UGT2B15: variants seen among roughly 807,000 people sequenced by gnomAD.
The protein encoded by UGT2B15 is UDP glucuronosyltransferase family 2 member B15.
A neutral mutation model predicts 45.9 loss-of-function variants in UGT2B15; 36 were observed. The ratio of observed to expected loss-of-function variants is 0.78; its 90% CI spans 0.60 to 1.04. The LOEUF is 1.04. Ranked by LOEUF, UGT2B15 falls within the 50% of genes least tolerant of loss-of-function variation. UGT2B15 has a pLI of 0.00. For missense variants in UGT2B15, 617 were observed against 622.4 expected (o/e 0.99, Z 0.09); for synonymous variants, 219 against 216.4 (o/e 1.01, Z -0.11).
At position 68,654,272 on chromosome 4, in the gene UGT2B15, T is replaced by C; in HGVS notation, c.1094-16A>G. 6.2e-7 allele frequency: 1 copy of C among 1,607,814 alleles called. No individual in the cohort carries two copies. Among genetic ancestry groups the C allele is most frequent in the Non-Finnish European group, 8.5e-7 (1 of 1,176,170 alleles). Reference sequence around the variant, plus strand: ...TTGGGATGACCTAAAAGTGGATGCATTTTAACAAAATTATTAATTACAAGG... The same window carrying C: ...TTGGGATGACCTAAAAGTGGATGCACTTTAACAAAATTATTAATTACAAGG... On this transcript the variant is annotated splice_polypyrimidine_tract_variant and intron_variant, in intron 4 of 5. Transcript: ENST00000338206.
chr4:68,666,591 T>A (rs1160471951), intron 2 of UGT2B15, among the ~76,000 whole-genome samples: 4 of 151,924 alleles, frequency 2.6e-5, no homozygotes, highest in African/African-American at 9.7e-5. Flanking sequence ...ATCTTTACAT[T>A]TTACAAACTT....
intron 3 of UGT2B15, among the ~76,000 whole-genome samples, chr4:68,661,663 T>C (rs1243015813): frequency 6.6e-6 from 1 of 152,118 alleles, no homozygotes; most frequent in Non-Finnish European, 1.5e-5. Context: ...TGAGAAATAA[T>C]GCTACATATG....
intron 5 of UGT2B15, among the ~76,000 whole-genome samples, chr4:68,648,905 A>AT (rs1732566704): frequency 6.6e-6 from 1 of 152,058 alleles, no homozygotes; most frequent in Admixed American, 6.6e-5. Flanking sequence ...TGATCTCTTC[A>AT]TTTTGTGATT....
chr4:68,663,462 A>G (rs998064689), intron 2 of UGT2B15, among the ~76,000 whole-genome samples: 3 of 152,108 alleles, frequency 2.0e-5, no homozygotes, highest in Non-Finnish European at 4.4e-5. Flanking sequence ...TAATATTATA[A>G]TTACTAACAT....
intron 3 of UGT2B15, among the ~76,000 whole-genome samples, chr4:68,657,810 G>C (rs1274606759): frequency 2.0e-5 from 3 of 151,950 alleles, no homozygotes; most frequent in Non-Finnish European, 2.9e-5. Context: ...TCTGCAAGCT[G>C]GTCAATTTTT....
rs570473373 is a variant in UGT2B15 at position 68,660,689 on chromosome 4, A to C, written c.1005+2319T>G. Among the ~76,000 whole-genome samples the C allele has an allele frequency of 5.3e-5, 8 of 152,074 alleles. No homozygotes were observed. The East Asian group carries it at 1.5e-3, about 29-fold the overall frequency. On this transcript the variant is annotated intron_variant, in intron 3 of 5. Transcript: ENST00000338206. Reference sequence around the variant, plus strand: ...TTTTTCAACTTTTATTACTGTCTACAGTTTGGACTGAATTCTAATTTTTCA... The same window carrying C: ...TTTTTCAACTTTTATTACTGTCTACCGTTTGGACTGAATTCTAATTTTTCA...
At chr4:68,664,046 G>C (rs2109832696) in intron 2 of UGT2B15, among the ~76,000 whole-genome samples, 1 of 152,114 alleles carries the variant, frequency 6.6e-6, no homozygotes, top group South Asian at 2.1e-4. Flanking sequence ...GTGTCTCACA[G>C]GGGGCACTTG....
intron 2 of UGT2B15, among the ~76,000 whole-genome samples, chr4:68,664,278 A>AAAAG (rs1553924948): frequency 3.3e-5 from 5 of 149,588 alleles, no homozygotes; most frequent in Non-Finnish European, 4.4e-5. Flanking sequence ...AAAAAAAAAA[A>AAAAG]AGAGAGAGAG....
chr4:68,658,708 A>C (rs1455721304), intron 3 of UGT2B15, among the ~76,000 whole-genome samples: 3 of 152,050 alleles, frequency 2.0e-5, no homozygotes, highest in Non-Finnish European at 2.9e-5. Context: ...TTGGGAAAAA[A>C]CTGTTATCAT....
At position 68,655,267 on chromosome 4, in the gene UGT2B15, G is replaced by T; in HGVS notation, c.1006-85C>A. On this transcript the variant is annotated intron_variant, in intron 3 of 5. Transcript: ENST00000338206. ...AGAATTCTGAAGAGATTAATAATCAGTTAGTTAATCCATATAAAAGATGAA... is the reference window on the plus strand; with the variant it reads ...AGAATTCTGAAGAGATTAATAATCATTTAGTTAATCCATATAAAAGATGAA... 2.1e-6 allele frequency: 3 copies of T among 1,451,680 alleles called. No homozygotes were observed. In the Admixed American group the frequency reaches 5.5e-5, roughly 26 times the overall value. 89.9% of individuals were successfully genotyped at this position (1,451,680 alleles called of 1,614,324 possible). A position where few individuals can be genotyped will look rare whatever the true frequency, so the allele number is the denominator to read the frequency against.
intron 2 of UGT2B15, among the ~76,000 whole-genome samples, chr4:68,664,836 T>C (rs1414639219): frequency 6.6e-6 from 1 of 152,168 alleles, no homozygotes. Context: ...TGTGCTGGGA[T>C]TACAGGCATG....
intron 5 of UGT2B15, among the ~76,000 whole-genome samples, 177 bp downstream of exon 5, chr4:68,653,860 G>A (rs1732724754): frequency 6.6e-6 from 1 of 151,630 alleles, no homozygotes; most frequent in Non-Finnish European, 1.5e-5. Context: ...TTAAATCTGT[G>A]GGGTTGAAAT....
At chr4:68,668,333 C>G (rs1733203825) in intron 1 of UGT2B15, 145 bp from the exon 2 acceptor site, 1 of 1,143,242 alleles carries the variant, frequency 8.7e-7, no homozygotes, top group Non-Finnish European at 1.2e-6. Context: ...TATATAAATA[C>G]ATTTATATAT....
In UGT2B15 at chr4:68,670,470, C is replaced by T; in HGVS notation, c.149G>A (p.Gly50Asp). The change falls in exon 1 of 6, where the codon GGT (glycine) becomes GAT (aspartate). Residue 50 changes from glycine (G) to aspartate (D), a missense_variant. Transcript: ENST00000338206. ...KTILEELVQR[G>D]HEVTVLTSSA... ...AGATGTCAACACAGTCACCTCATGA[C>T]CCCTCTGAACAAGCTCTTCCAGGAT... The T allele has an allele frequency of 1.9e-6, 3 of 1,614,076 alleles. No homozygotes were observed. Among genetic ancestry groups the T allele is most frequent in the Non-Finnish European group, 2.5e-6 (3 of 1,180,000 alleles).
chr4:68,652,194 A>G (rs879138647), intron 5 of UGT2B15, among the ~76,000 whole-genome samples: 1 of 151,978 alleles, frequency 6.6e-6, no homozygotes, highest in Non-Finnish European at 1.5e-5. Context: ...CTGTCAGTGT[A>G]TAGTAATGCT....
Position 68,647,238 on chromosome 4 carries a change from T to C in UGT2B15, c.1459A>G (p.Ile487Val). 2 of 1,613,976 alleles carry C rather than the reference T, an allele frequency of 1.2e-6. No homozygotes were observed. The highest frequency in any genetic ancestry group is 2.2e-5 in the East Asian group (1 of 44,888). Residue 487 changes from isoleucine to valine, a missense_variant, in exon 6 of 6, where the codon ATC (isoleucine) becomes GTC (valine). Physicochemically the swap from Ile to Val is conservative, Grantham distance 29. Transcript: ENST00000338206. Reference protein sequence around the residue: ...LRVAAHNLTWIQYHSLDVIAF... With the variant: ...LRVAAHNLTWVQYHSLDVIAF... The stretch of plus-strand genomic sequence containing the variant: ...ATCACATCCAAAGAGTGGTACTGGA[T>C]CCAGGTGAGGTTGTGAGCTGCGACT...
chr4:68,660,155 C>G (rs1578197999), intron 3 of UGT2B15, among the ~76,000 whole-genome samples: 1 of 151,498 alleles, frequency 6.6e-6, no homozygotes, highest in East Asian at 1.9e-4. Context: ...ATTGGAGAAA[C>G]TGGTTATTTT....
At chr4:68,659,508 C>G (rs139684808) in intron 3 of UGT2B15, among the ~76,000 whole-genome samples, 3,275 of 151,812 alleles carry the variant, frequency 0.022, 69 homozygotes, top group Non-Finnish European at 0.032. Context: ...GTTATGTGTT[C>G]CAAAATTATG....
intron 2 of UGT2B15, among the ~76,000 whole-genome samples, chr4:68,666,752 A>G (rs6820397): frequency 7.0e-5 from 9 of 127,860 alleles, no homozygotes; most frequent in Non-Finnish European, 1.3e-4. Flanking sequence ...ATATATATAT[A>G]TTTTTTTTTT....
Sources: allele counts gnomAD v4.1 joint callset (sites outside exome capture counted in the v4.1 genomes callset), GRCh38; gene constraint gnomAD v4.1.1; transcripts MANE v1.5; gene names NCBI Gene and HGNC (gene_info 2026-07-23, HGNC 2026-07-21).